Variants in KLHL32 observed in about 807,000 individuals in gnomAD.
KLHL32 encodes kelch like family member 32.
KLHL32 carries 35 observed loss-of-function variants against 64.8 expected under a neutral mutation model. That is an observed-to-expected ratio of 0.54 (90% confidence interval 0.41 to 0.72). KLHL32 has a LOEUF of 0.72. KLHL32 is among the 30% of genes least tolerant of loss of function. KLHL32 has a pLI of 0.00. For missense variants in KLHL32, 589 were observed against 768.5 expected, an observed-to-expected ratio of 0.77 and a Z score of 2.76; for synonymous variants, 259 against 281.0, an observed-to-expected ratio of 0.92 and a Z score of 0.78.
chr6:97,055,796 T>TAAAAAAAAA lies in KLHL32; in HGVS notation c.313-8814_313-8806dup, dbSNP rs750242567. ...CGAGGTAACAGACTGAGAACCTGTCTAAAAAAAAAAAAAAAAAAAAAAAAA... is the reference window on the plus strand; with the variant it reads ...CGAGGTAACAGACTGAGAACCTGTCTAAAAAAAAAAAAAAAAAAAAAAAAAAAAAAAAAA... On this transcript the variant is annotated intron_variant, in intron 4 of 10. Coordinates refer to ENST00000369261, the MANE Select transcript of KLHL32 (RefSeq NM_052904.4). Among the ~76,000 whole-genome samples the TAAAAAAAAA allele has an allele frequency of 7.7e-3, 624 of 80,966 alleles. 103 individuals carry two copies. Among genetic ancestry groups the TAAAAAAAAA allele is most frequent in the African/African-American group, 0.017 (443 of 25,690 alleles). The allele number at this position is 80,966 out of a possible 152,430, so 53.1% of individuals were successfully genotyped here. A position where few individuals can be genotyped will look rare whatever the true frequency, so the allele number is the denominator to read the frequency against.
chr6:97,006,184 G>A (rs1266879160), intron 3 of KLHL32, among the ~76,000 whole-genome samples: 1 of 152,162 alleles, frequency 6.6e-6, no homozygotes, highest in Non-Finnish European at 1.5e-5. Context: ...ATGAAGCTGG[G>A]TGCCCTTCTA....
chr6:97,056,126 G>A (rs750865965), intron 4 of KLHL32, among the ~76,000 whole-genome samples: 9 of 97,516 alleles, frequency 9.2e-5, no homozygotes, highest in Non-Finnish European at 1.6e-4. Context: ...TTTTTTTTGA[G>A]ATGAAGTCTC....
At position 97,041,590 on chromosome 6, in the gene KLHL32, C is replaced by T. The variant is rs765187562; in HGVS notation, c.303C>T (p.Tyr101=). 2 of 1,600,998 alleles carry T rather than the reference C, an allele frequency of 1.2e-6. No individual in the cohort carries two copies. The highest frequency in any genetic ancestry group is 3.3e-5 in the Admixed American group (2 of 60,002). Residue 101 remains tyrosine (Y), a synonymous_variant, in exon 4 of 11, where the codon TAC becomes TAT. Coordinates refer to ENST00000369261, the MANE Select transcript of KLHL32 (RefSeq NM_052904.4). ...LGLKQALEFA[Y]TGQILLEPGV... ...TAAAGCAGGCTCTGGAGTTTGCATA[C>T]ACAGGACAGGTATGGTATTAAATGT...
At chr6:97,088,141 A>G (rs1276777169) in intron 6 of KLHL32, among the ~76,000 whole-genome samples, 2 of 152,196 alleles carry the variant, frequency 1.3e-5, no homozygotes, top group Admixed American at 1.3e-4. Flanking sequence ...TAGAGGTAAC[A>G]TAGAGAGTTG....
chr6:96,969,392 G>C (rs1774867146), intron 2 of KLHL32, among the ~76,000 whole-genome samples: 1 of 152,066 alleles, frequency 6.6e-6, no homozygotes, highest in South Asian at 2.1e-4. Flanking sequence ...AACCCATCCA[G>C]TCTTTCCTTT....
chr6:97,013,333 G>A (rs926931541), intron 3 of KLHL32, among the ~76,000 whole-genome samples: 2 of 152,190 alleles, frequency 1.3e-5, no homozygotes, highest in African/African-American at 4.8e-5. Flanking sequence ...CACATTATAT[G>A]AGGAAACTCA....
In KLHL32 at chr6:97,084,826, A is replaced by G. The variant is rs113526986; in HGVS notation, c.412-300A>G. 1.6e-3 allele frequency among the ~76,000 whole-genome samples: 249 copies of G among 152,278 alleles called. 1 individual carries two copies. Among genetic ancestry groups the G allele is most frequent in the African/African-American group, 5.8e-3 (242 of 41,564 alleles). On this transcript the variant is annotated intron_variant, in intron 5 of 10. Transcript: ENST00000369261. The stretch of plus-strand genomic sequence containing the variant: ...GCCCTCATTAGTAAAATGTCTCTAG[A>G]ATGTTGCAAAGTAACATTTCAGCCC...
chr6:97,129,510 G>A (rs1344157698), intron 8 of KLHL32, among the ~76,000 whole-genome samples: 1 of 152,104 alleles, frequency 6.6e-6, no homozygotes, highest in East Asian at 1.9e-4. Flanking sequence ...AAGAAAGGTT[G>A]GGCATACTCT....
At chr6:97,061,062 C>A (rs1238386813) in intron 4 of KLHL32, among the ~76,000 whole-genome samples, 1 of 152,154 alleles carries the variant, frequency 6.6e-6, no homozygotes, top group Non-Finnish European at 1.5e-5. Context: ...GACCTCTCTG[C>A]TAGCACTGTC....
chr6:96,978,054 G>A (rs2128046052), intron 3 of KLHL32, among the ~76,000 whole-genome samples: 1 of 152,188 alleles, frequency 6.6e-6, no homozygotes, highest in East Asian at 1.9e-4. Context: ...TATGGAATAG[G>A]AATTTTGTCT....
intron 2 of KLHL32, among the ~76,000 whole-genome samples, chr6:96,968,464 A>G (rs1468600142): frequency 6.6e-6 from 1 of 152,116 alleles, no homozygotes; most frequent in Non-Finnish European, 1.5e-5. Context: ...CCTGGCATCC[A>G]ACCAATACAG....
At chr6:96,926,377 A>G (rs1582351524) in intron 1 of KLHL32, among the ~76,000 whole-genome samples, 1 of 152,336 alleles carries the variant, frequency 6.6e-6, no homozygotes, top group East Asian at 1.9e-4. Context: ...CAATTCACAG[A>G]GCTTTGGGAG....
rs1352887780 is a variant in KLHL32 at position 96,947,347 on chromosome 6, G to A, written c.-65-19649G>A. ...CCAAGTGATGCCCAATTCATGAATT[G>A]TTCATTGCTCAAATAAACTGTTATA... On this transcript the variant is annotated intron_variant, in intron 1 of 10. Transcript: ENST00000369261. Among the ~76,000 whole-genome samples the A allele has an allele frequency of 2.6e-5, 4 of 152,314 alleles. No homozygotes were observed. In the East Asian group the frequency reaches 7.7e-4, roughly 29 times the overall value.
At chr6:97,124,220 G>A (rs1798651835) in intron 7 of KLHL32, among the ~76,000 whole-genome samples, 1 of 152,192 alleles carries the variant, frequency 6.6e-6, no homozygotes, top group South Asian at 2.1e-4. Context: ...CTTGGCAAAA[G>A]TTGCAGCACT....
chr6:97,125,436 AAAG>A (rs1798773380), intron 7 of KLHL32, among the ~76,000 whole-genome samples: 1 of 152,248 alleles, frequency 6.6e-6, no homozygotes, highest in African/African-American at 2.4e-5. Flanking sequence ...TTAAACAGAG[AAAG>A]AAGACTTTAT....
At chr6:97,009,235 GGTTTATAAACCA>G (rs1368323506) in intron 3 of KLHL32, among the ~76,000 whole-genome samples, 1 of 150,678 alleles carries the variant, frequency 6.6e-6, no homozygotes, top group African/African-American at 2.4e-5. Flanking sequence ...GTGGAATTTT[GGTTTATAAACCA>G]AAATTCTGTT....
intron 10 of KLHL32, among the ~76,000 whole-genome samples, chr6:97,138,241 T>A (rs1800264108): frequency 8.3e-6 from 1 of 120,390 alleles, no homozygotes; most frequent in African/African-American, 3.1e-5. Context: ...GAGGCTGTGC[T>A]ATATAAGAAG....
chr6:97,129,543 G>A (rs2128221037), intron 8 of KLHL32, among the ~76,000 whole-genome samples: 1 of 152,236 alleles, frequency 6.6e-6, no homozygotes, highest in South Asian at 2.1e-4. Flanking sequence ...GGGTGAACAG[G>A]AACCAAATAT....
intron 1 of KLHL32, among the ~76,000 whole-genome samples, chr6:96,937,273 A>G (rs1167971172): frequency 1.3e-5 from 2 of 152,204 alleles, no homozygotes; most frequent in African/African-American, 4.8e-5. Flanking sequence ...CTGTGCTTCT[A>G]CATCTGTACA....
Sources: allele counts gnomAD v4.1 joint callset (sites outside exome capture counted in the v4.1 genomes callset), GRCh38; gene constraint gnomAD v4.1.1; transcripts MANE v1.5; gene names NCBI Gene and HGNC (gene_info 2026-07-23, HGNC 2026-07-21).